The following ENPP6 variants were observed in gnomAD, a reference collection of about 807,000 sequenced individuals.
ENPP6 encodes the protein ectonucleotide pyrophosphatase/phosphodiesterase 6.
ENPP6 carries 32 observed loss-of-function variants against 42.0 expected under a neutral mutation model. The observed-to-expected ratio is 0.76, with a 90% CI of 0.58 to 1.02. The LOEUF (loss-of-function observed/expected upper bound fraction) is 1.02, where lower values mean the gene tolerates loss of function less well. ENPP6 is among the 50% of genes least tolerant of loss of function. The probability of loss-of-function intolerance (pLI) is 0.00; values close to 1 mark genes in which losing one functional copy is unlikely to be tolerated. For missense variants in ENPP6, 552 were observed against 566.8 expected (o/e 0.97, Z 0.27); for synonymous variants, 213 against 216.0 (o/e 0.99, Z 0.12).
intron 1 of ENPP6, among the ~76,000 whole-genome samples, chr4:184,215,672 A>C (rs747276425): frequency 1.3e-4 from 20 of 152,358 alleles, no homozygotes; most frequent in Non-Finnish European, 1.0e-4. Flanking sequence ...TAGACCAAGC[A>C]GACTTCCACA....
chr4:184,197,215 C>T (rs1278528140), intron 1 of ENPP6, among the ~76,000 whole-genome samples: 1 of 152,300 alleles, frequency 6.6e-6, no homozygotes, highest in South Asian at 2.1e-4. Context: ...CAGCCACAAT[C>T]TTCTACGTGG....
intron 1 of ENPP6, among the ~76,000 whole-genome samples, chr4:184,193,913 T>G (rs985080934): frequency 6.6e-6 from 1 of 152,204 alleles, no homozygotes; most frequent in South Asian, 2.1e-4. Context: ...AATTGTTCAG[T>G]TTGATGCTAC....
chr4:184,206,599 C>T (rs966777090), intron 1 of ENPP6, among the ~76,000 whole-genome samples: 1 of 152,064 alleles, frequency 6.6e-6, no homozygotes, highest in Non-Finnish European at 1.5e-5. Flanking sequence ...TGGGCTCTCT[C>T]GAAACACGAT....
Position 184,089,912 on chromosome 4 carries a change from A to G in ENPP6, c.*1265T>C, listed in dbSNP as rs1735758493. 1 of 152,218 alleles carries G rather than the reference A, an allele frequency of 6.6e-6. No homozygotes were observed. The highest frequency in any genetic ancestry group is 2.4e-5 in the African/African-American group (1 of 41,446). 9.4% of individuals were successfully genotyped at this position (152,218 alleles called of 1,614,324 possible). On this transcript the variant is annotated 3_prime_UTR_variant, in exon 8 of 8. Coordinates refer to ENST00000296741, the MANE Select transcript of ENPP6 (RefSeq NM_153343.4). ...ATTTCTCCTATAGCAAACACAGATG[A>G]CTAAGCTAAAAATATTTCAACTCAG... is the stretch of plus-strand genomic sequence containing the variant.
chr4:184,166,125 T>C (rs938309852), intron 1 of ENPP6, among the ~76,000 whole-genome samples: 4 of 152,234 alleles, frequency 2.6e-5, no homozygotes, highest in Non-Finnish European at 5.9e-5. Context: ...AGACACACTT[T>C]GGATGTTAAA....
intron 1 of ENPP6, among the ~76,000 whole-genome samples, chr4:184,216,189 C>T (rs958161795): frequency 5.3e-5 from 8 of 152,176 alleles, no homozygotes; most frequent in African/African-American, 1.2e-4. Context: ...CACACAATCA[C>T]GTCTATGTGA....
In ENPP6 at chr4:184,107,648, G is replaced by A. The variant is rs181792933; in HGVS notation, c.993+5024C>T. Among the ~76,000 whole-genome samples the A allele has an allele frequency of 7.1e-3, 1,081 of 152,138 alleles. 14 individuals are homozygous for A. The highest frequency in any genetic ancestry group is 0.024 in the African/African-American group (1,010 of 41,488). On this transcript the variant is annotated intron_variant, in intron 6 of 7. Coordinates refer to ENST00000296741, the MANE Select transcript of ENPP6 (RefSeq NM_153343.4). ...AAATTAGTCAGGGCTAGGTGTGGTG[G>A]CTCACGCCTGTAATCCCAGCACTTT... is the stretch of plus-strand genomic sequence containing the variant.
chr4:184,103,781 G>A (rs2111334463), intron 6 of ENPP6, among the ~76,000 whole-genome samples: 1 of 152,334 alleles, frequency 6.6e-6, no homozygotes, highest in African/African-American at 2.4e-5. Flanking sequence ...CGCTCCAAAG[G>A]GATGTTCCTC....
At chr4:184,135,590 T>C (rs539323171) in intron 2 of ENPP6, among the ~76,000 whole-genome samples, 1 of 152,374 alleles carries the variant, frequency 6.6e-6, no homozygotes, top group African/African-American at 2.4e-5. Context: ...ATGTATGTCT[T>C]TATAAGTAGC....
intron 2 of ENPP6, among the ~76,000 whole-genome samples, chr4:184,152,137 G>A (rs1407434228): frequency 6.6e-6 from 1 of 152,206 alleles, no homozygotes; most frequent in Non-Finnish European, 1.5e-5. Context: ...AAGCTCACCT[G>A]CGGGTGAGGC....
chr4:184,187,097 A>T (rs547206176), intron 1 of ENPP6, among the ~76,000 whole-genome samples: 8 of 152,310 alleles, frequency 5.3e-5, no homozygotes, highest in African/African-American at 1.9e-4. Context: ...CAGGCCGTAA[A>T]ATCTCCCATT....
intron 2 of ENPP6, among the ~76,000 whole-genome samples, chr4:184,131,173 CTT>C (rs1159200842): frequency 5.1e-5 from 3 of 59,132 alleles, no homozygotes; most frequent in East Asian, 7.8e-4. Context: ...TTCTTTCTTT[CTT>C]TCTTTCTTTC....
intron 1 of ENPP6, among the ~76,000 whole-genome samples, chr4:184,178,941 A>G (rs1232410973): frequency 1.3e-5 from 2 of 152,216 alleles, no homozygotes; most frequent in Non-Finnish European, 2.9e-5. Context: ...ACAAAGACCA[A>G]TGACACTATG....
chr4:184,164,968 A>G (rs1737325525), intron 1 of ENPP6, among the ~76,000 whole-genome samples: 1 of 152,180 alleles, frequency 6.6e-6, no homozygotes, highest in Non-Finnish European at 1.5e-5. Flanking sequence ...AGCACTCAGG[A>G]AGCCCACAGG....
intron 2 of ENPP6, among the ~76,000 whole-genome samples, chr4:184,134,895 A>C (rs890805017): frequency 1.3e-5 from 2 of 151,120 alleles, no homozygotes; most frequent in Non-Finnish European, 2.9e-5. Context: ...ATGCCACTAC[A>C]TCATAAGTAG....
In ENPP6 at chr4:184,130,427, G is replaced by A. The variant is rs1373474713; in HGVS notation, c.422-6155C>T. Among the ~76,000 whole-genome samples, 6 of 106,818 alleles carry A rather than the reference G, an allele frequency of 5.6e-5. 1 individual carries two copies. The highest frequency in any genetic ancestry group is 1.0e-4 in the African/African-American group (3 of 28,760). 70.1% of individuals were successfully genotyped at this position (106,818 alleles called of 152,430 possible). A position where few individuals can be genotyped will look rare whatever the true frequency, so the allele number is the denominator to read the frequency against. ...CAAAAAATTAGCCGGGCGTGGTGGT[G>A]GGCACCTGTAGTCCCAGCTACTCGG... On this transcript the variant is annotated intron_variant, in intron 2 of 7. Transcript: ENST00000296741.
At chr4:184,195,607 C>G (rs1407566934) in intron 1 of ENPP6, among the ~76,000 whole-genome samples, 1 of 152,174 alleles carries the variant, frequency 6.6e-6, no homozygotes, top group Non-Finnish European at 1.5e-5. Flanking sequence ...GTCCCCACAG[C>G]CCCTGGCAAC....
rs1736408602 is a variant in ENPP6 at position 184,121,102 on chromosome 4, A to G, written c.533+3059T>C. On this transcript the variant is annotated intron_variant, in intron 3 of 7. Coordinates refer to ENST00000296741, the MANE Select transcript of ENPP6 (RefSeq NM_153343.4). ...GCAATGCCTACACAATACCACGGAC[A>G]TGAGAACCAAGTGGGTTACTGGATA... Among the ~76,000 whole-genome samples, 3 of 152,234 alleles carry G rather than the reference A, an allele frequency of 2.0e-5. No individual in the cohort carries two copies. The South Asian group carries it at 6.2e-4, about 31-fold the overall frequency.
chr4:184,091,071 T>C lies in ENPP6; in HGVS notation c.*106A>G. On this transcript the variant is annotated 3_prime_UTR_variant, in exon 8 of 8. Transcript: ENST00000296741. ...AATGTATTTACAATGTGCATGGTCT[T>C]GATTGTGTTAATGAAGCTATTATTC... 1 of 1,056,994 alleles carries C rather than the reference T, an allele frequency of 9.5e-7. No homozygotes were observed. The highest frequency in any genetic ancestry group is 2.7e-5 in the Admixed American group (1 of 36,542). 65.5% of individuals were successfully genotyped at this position (1,056,994 alleles called of 1,614,324 possible).
Sources: allele counts gnomAD v4.1 joint callset (sites outside exome capture counted in the v4.1 genomes callset), GRCh38; gene constraint gnomAD v4.1.1; transcripts MANE v1.5; gene names NCBI Gene and HGNC (gene_info 2026-07-23, HGNC 2026-07-21).